Variants in APBB1IP observed in about 807,000 individuals in gnomAD.
The protein encoded by APBB1IP is amyloid beta precursor protein binding family B member 1 interacting protein.
APBB1IP carries 27 observed loss-of-function variants against 64.9 expected under a neutral mutation model. That is an observed-to-expected ratio of 0.42 (90% CI 0.31 to 0.57). The LOEUF is 0.57. APBB1IP is among the 20% of genes least tolerant of loss of function. The pLI, the probability that APBB1IP is intolerant of heterozygous loss-of-function variation, is 0.20. For synonymous variants in APBB1IP, 392 were observed against 331.0 expected (o/e 1.18, Z -2.00); for missense variants, 812 against 845.5 (o/e 0.96, Z 0.49).
intron 8 of APBB1IP, among the ~76,000 whole-genome samples, chr10:26,515,991 G>A (rs575633959): frequency 1.3e-5 from 2 of 152,166 alleles, no homozygotes. Context: ...GTCTAAAGAA[G>A]TGGCCGAGGC....
At chr10:26,473,805 T>C (rs1350752303) in intron 2 of APBB1IP, among the ~76,000 whole-genome samples, 2 of 152,078 alleles carry the variant, frequency 1.3e-5, no homozygotes, top group African/African-American at 2.4e-5. Flanking sequence ...AGTTTGAGAC[T>C]AGCCTGTCCA....
At chr10:26,534,432 T>TTTTCCTGAGTTAGTAAA (rs1165678989) in intron 9 of APBB1IP, among the ~76,000 whole-genome samples, 1 of 152,120 alleles carries the variant, frequency 6.6e-6, no homozygotes, top group Non-Finnish European at 1.5e-5. Flanking sequence ...TCCATGGACC[T>TTTTCCTGAGTTAGTAAA]TTTCCTGAGT....
intron 2 of APBB1IP, among the ~76,000 whole-genome samples, chr10:26,449,647 A>G (rs79183201): frequency 0.037 from 5,674 of 152,246 alleles, 327 homozygotes; most frequent in African/African-American, 0.12. Context: ...CAGGTATCAA[A>G]TCATTACTGC....
chr10:26,484,542 TG>T (rs764868375), intron 2 of APBB1IP, among the ~76,000 whole-genome samples: 115 of 152,146 alleles, frequency 7.6e-4, no homozygotes, highest in Non-Finnish European at 1.4e-3. Flanking sequence ...TGACCTCAGG[TG>T]ATCCACCTGC....
At chr10:26,516,591 A>G in intron 8 of APBB1IP, among the ~76,000 whole-genome samples, 1 of 146,142 alleles carries the variant, frequency 6.8e-6, no homozygotes, top group Non-Finnish European at 1.5e-5. Flanking sequence ...GAGGGGAAAG[A>G]GGGAGGGGTG....
intron 11 of APBB1IP, among the ~76,000 whole-genome samples, chr10:26,543,440 C>T (rs1836722441): frequency 6.8e-6 from 1 of 147,996 alleles, no homozygotes. Flanking sequence ...GCACTCCAGC[C>T]TGGGCGACAG....
chr10:26,442,432 G>A (rs939399967), intron 2 of APBB1IP, among the ~76,000 whole-genome samples: 1 of 152,064 alleles, frequency 6.6e-6, no homozygotes, highest in Non-Finnish European at 1.5e-5. Flanking sequence ...TAATTCTGTT[G>A]GGGATCTTTT....
intron 3 of APBB1IP, 35 bp downstream of exon 3, chr10:26,492,433 C>A (rs1330165982): frequency 1.3e-6 from 2 of 1,585,776 alleles, no homozygotes; most frequent in South Asian, 1.1e-5. Context: ...AATTGGAAAA[C>A]AAAAATAGAG....
At chr10:26,493,222 T>A (rs1251042620) in intron 3 of APBB1IP, among the ~76,000 whole-genome samples, 1 of 152,232 alleles carries the variant, frequency 6.6e-6, no homozygotes, top group Non-Finnish European at 1.5e-5. Context: ...CTGTTCTTTT[T>A]TCAAGGTGCC....
intron 14 of APBB1IP, among the ~76,000 whole-genome samples, chr10:26,565,562 T>G (rs1011232097): frequency 2.0e-5 from 3 of 152,202 alleles, no homozygotes; most frequent in African/African-American, 4.8e-5. Context: ...AACACCTCAT[T>G]GAACATAGCC....
At chr10:26,550,126 A>G (rs1357683054) in intron 11 of APBB1IP, among the ~76,000 whole-genome samples, 1 of 151,736 alleles carries the variant, frequency 6.6e-6, no homozygotes, top group Non-Finnish European at 1.5e-5. Flanking sequence ...TGCCAGGCAT[A>G]TTAGAATTCC....
chr10:26,511,298 C>T (rs1237894166), intron 6 of APBB1IP, among the ~76,000 whole-genome samples: 1 of 151,916 alleles, frequency 6.6e-6, no homozygotes, highest in East Asian at 1.9e-4. Context: ...GAGCTGAGAT[C>T]ACGCCACTGC....
chr10:26,563,632 T>G (rs1837002688), intron 14 of APBB1IP, among the ~76,000 whole-genome samples: 1 of 152,238 alleles, frequency 6.6e-6, no homozygotes, highest in South Asian at 2.1e-4. Flanking sequence ...TGAATATTTC[T>G]CTTGTGTGAT....
chr10:26,469,415 A>G (rs1206751307), intron 2 of APBB1IP, among the ~76,000 whole-genome samples: 2 of 151,142 alleles, frequency 1.3e-5, no homozygotes, highest in African/African-American at 4.9e-5. Context: ...GTGCACCACC[A>G]CACTCGGCTA....
chr10:26,476,704 C>T (rs1835780369), intron 2 of APBB1IP, among the ~76,000 whole-genome samples: 1 of 152,086 alleles, frequency 6.6e-6, no homozygotes, highest in Non-Finnish European at 1.5e-5. Context: ...TGATCATGCT[C>T]AGTAAATGTT....
intron 2 of APBB1IP, among the ~76,000 whole-genome samples, chr10:26,490,200 G>C (rs1231607757): frequency 1.3e-5 from 2 of 152,108 alleles, no homozygotes; most frequent in Non-Finnish European, 2.9e-5. Context: ...CACTTAAAGG[G>C]TGAACTATAA....
At chr10:26,504,995 C>T (rs1047901511) in intron 6 of APBB1IP, among the ~76,000 whole-genome samples, 5 of 152,052 alleles carry the variant, frequency 3.3e-5, no homozygotes, top group Admixed American at 6.6e-5. Context: ...GGCTCAAGCG[C>T]GCCACCCATC....
rs1009633728 is a variant in APBB1IP at position 26,564,925 on chromosome 10, G to A, written c.1474-2036G>A. ...ACACTGCCTTCCCTGAAGCTGTGAG[G>A]CCAGCTGGAGCCAAGCTTGTAATCG... On this transcript the variant is annotated intron_variant, in intron 14 of 14. Transcript: ENST00000376236. Among the ~76,000 whole-genome samples, 11 of 152,150 alleles carry A rather than the reference G, an allele frequency of 7.2e-5. 1 individual carries two copies. The highest frequency in any genetic ancestry group is 7.2e-4 in the Admixed American group (11 of 15,274).
chr10:26,526,308 C>T lies in APBB1IP; in HGVS notation c.814-7131C>T, dbSNP rs113030403. 5.6e-3 allele frequency among the ~76,000 whole-genome samples: 848 copies of T among 152,238 alleles called. 2 individuals are homozygous for T. Among genetic ancestry groups the T allele is most frequent in the Non-Finnish European group, 9.6e-3 (651 of 68,012 alleles). Reference sequence around the variant, plus strand: ...TAAGGTAAAGTCAGTTCACGTAAGGCGCAAACTTACATGAGGTAAAGTAAG... The same window carrying T: ...TAAGGTAAAGTCAGTTCACGTAAGGTGCAAACTTACATGAGGTAAAGTAAG... On this transcript the variant is annotated intron_variant, in intron 8 of 14. Coordinates refer to ENST00000376236, the MANE Select transcript of APBB1IP (RefSeq NM_019043.4).
Sources: gnomAD v4.1 joint callset for allele counts (sites outside exome capture counted in the v4.1 genomes callset) on GRCh38, gnomAD v4.1.1 for gene constraint, MANE v1.5 for transcripts, NCBI Gene and HGNC (gene_info 2026-07-23, HGNC 2026-07-21) for gene names.